Variants in TERT observed in about 807,000 individuals in gnomAD.
TERT encodes the protein telomerase reverse transcriptase, also known as telomerase catalytic subunit.
Under a neutral mutation model 104.0 loss-of-function variants are expected in TERT, and 42 were observed. The observed-to-expected ratio is 0.40, with a 90% CI of 0.32 to 0.52. TERT has a LOEUF of 0.52. Among genes scored for constraint, TERT ranks in the 20% least tolerant of loss-of-function variants. The probability of loss-of-function intolerance (pLI) is 0.43; values close to 1 mark genes in which losing one functional copy is unlikely to be tolerated. For missense variants in TERT, 1,101 were observed against 1,610.3 expected (o/e 0.68, Z 5.41); for synonymous variants, 781 against 725.6 (o/e 1.08, Z -1.23).
intron 6 of TERT, among the ~76,000 whole-genome samples, chr5:1,275,541 C>T (rs1241818136): frequency 1.3e-5 from 2 of 152,016 alleles, no homozygotes; most frequent in African/African-American, 4.8e-5. Flanking sequence ...CACACGACCC[C>T]AGAGTGGAAG....
At chr5:1,260,912 A>T (rs570310141) in intron 11 of TERT, among the ~76,000 whole-genome samples, 1 of 152,326 alleles carries the variant, frequency 6.6e-6, no homozygotes, top group East Asian at 1.9e-4. Context: ...AAAAACACAT[A>T]ATAAACTGTG....
intron 7 of TERT, among the ~76,000 whole-genome samples, chr5:1,271,579 C>A (rs1470424666): frequency 6.6e-6 from 1 of 152,000 alleles, no homozygotes; most frequent in Non-Finnish European, 1.5e-5. Flanking sequence ...GGAAATTCGC[C>A]CAGAGGTCTC....
In TERT at chr5:1,270,730, G is replaced by C. The variant is rs988871783; in HGVS notation, c.2468+389C>G. Among the ~76,000 whole-genome samples, 2 of 152,260 alleles carry C rather than the reference G, an allele frequency of 1.3e-5. No individual in the cohort carries two copies. Among genetic ancestry groups the C allele is most frequent in the Non-Finnish European group, 2.9e-5 (2 of 68,048 alleles). On this transcript the variant is annotated intron_variant, in intron 8 of 15. Transcript: ENST00000310581. This position sits in a 1 kb window ranked among gnomAD's most constrained non-coding sequence, Gnocchi z 8.3. ...ATCGGATAAAATCCTTTTGTATCGG[G>C]AGAGAGAGATACAAGCGTGTGAGAG...
chr5:1,280,091 C>A (rs912176843), intron 4 of TERT, 67 bp downstream of exon 4: 11 of 1,600,896 alleles, frequency 6.9e-6, no homozygotes, highest in Admixed American at 1.7e-5. Context: ...TTCATCTAAG[C>A]TGATACCAAA....
Position 1,269,971 on chromosome 5 carries a change from C to T in TERT, c.2468+1148G>A, listed in dbSNP as rs1361603173. 1.3e-5 allele frequency among the ~76,000 whole-genome samples: 2 copies of T among 152,146 alleles called. No homozygotes were observed. Among genetic ancestry groups the T allele is most frequent in the Non-Finnish European group, 2.9e-5 (2 of 68,028 alleles). ...GTCATCACCTCACATTCCCCAAAGC[C>T]CTGCCACACGTGGACGGTACGTGAC... On this transcript the variant is annotated intron_variant, in intron 8 of 15. Coordinates refer to ENST00000310581, the MANE Select transcript of TERT (RefSeq NM_198253.3). The surrounding 1 kb of genome is among the most constrained non-coding windows in gnomAD (Gnocchi z 9.0).
chr5:1,294,394 G>T lies in TERT; in HGVS notation c.492C>A (p.Pro164=). 6.3e-7 allele frequency: 1 copy of T among 1,583,528 alleles called. No homozygotes were observed. The highest frequency in any genetic ancestry group is 2.3e-5 in the East Asian group (1 of 44,008). ...GCCCGCACACCTGGTAGGCGCAGCT[G>T]GGAGCCACCAGCACAAAGAGCGCGC... ...ARCALFVLVA[P]SCAYQVCGPP... is the part of the protein sequence containing the mutation. The change falls in exon 2 of 16, where the codon CCC becomes CCA. Residue 164 remains proline (P), a synonymous_variant. Transcript: ENST00000310581.
At position 1,269,042 on chromosome 5, in the gene TERT, C is replaced by A. The variant is rs1056842062; in HGVS notation, c.2469-409G>T. ...TGACCCTACATGTAGCCGCTGCGCG[C>A]CAACGGATACAACCTTGCCCCTAGT... is the stretch of plus-strand genomic sequence containing the variant. On this transcript the variant is annotated intron_variant, in intron 8 of 15. Transcript: ENST00000310581. This position sits in a 1 kb window ranked among gnomAD's most constrained non-coding sequence, Gnocchi z 9.0. Among the ~76,000 whole-genome samples, 2 of 152,030 alleles carry A rather than the reference C, an allele frequency of 1.3e-5. No individual in the cohort carries two copies. The highest frequency in any genetic ancestry group is 4.8e-5 in the African/African-American group (2 of 41,398).
chr5:1,272,221 C>A lies in TERT; in HGVS notation c.2346G>T (p.Glu782Asp), dbSNP rs750815238. 6.2e-7 allele frequency: 1 copy of A among 1,612,844 alleles called. No individual in the cohort carries two copies. Among genetic ancestry groups the A allele is most frequent in the South Asian group, 1.1e-5 (1 of 91,010 alleles). Residue 782 changes from glutamate (E) to aspartate (D), a missense_variant, in exon 7 of 16, where the codon GAG (glutamate) becomes GAT (aspartate). This residue lies in a region of TERT where 463 missense variants were observed against 797.5 expected (regional missense o/e 0.58). Coordinates refer to ENST00000310581, the MANE Select transcript of TERT (RefSeq NM_198253.3). Reference sequence around the variant, plus strand: ...CGACGGCATCCCTCAGCGGGCTGGTCTCCTGCAGGTGAGCCACGAACTGTC... The same window carrying A: ...CGACGGCATCCCTCAGCGGGCTGGTATCCTGCAGGTGAGCCACGAACTGTC... ...YMRQFVAHLQ[E>D]TSPLRDAVVI... is the part of the protein sequence containing the mutation.
chr5:1,289,643 C>A (rs1374411137), intron 2 of TERT, among the ~76,000 whole-genome samples: 3 of 109,654 alleles, frequency 2.7e-5, no homozygotes, highest in African/African-American at 1.2e-4. Context: ...GCCTCACTCA[C>A]CCTGCACGTG....
At chr5:1,267,751 A>C (rs975403335) in intron 9 of TERT, among the ~76,000 whole-genome samples, 3 of 152,106 alleles carry the variant, frequency 2.0e-5, no homozygotes, top group Non-Finnish European at 4.4e-5. Flanking sequence ...ACCAAACACC[A>C]CATGTTCTCA....
Position 1,274,088 on chromosome 5 carries a change from C to T in TERT, c.2287-1808G>A, listed in dbSNP as rs560360051. On this transcript the variant is annotated intron_variant, in intron 6 of 15. Coordinates refer to ENST00000310581, the MANE Select transcript of TERT (RefSeq NM_198253.3). The surrounding 1 kb of genome is among the most constrained non-coding windows in gnomAD (Gnocchi z 5.3). ...AGCAGGCACGTGACACACACTAACA[C>T]GGACACAGGAGGCCTCGAGCTTGTG... Among the ~76,000 whole-genome samples the T allele has an allele frequency of 1.5e-4, 23 of 152,340 alleles. No homozygotes were observed. Among genetic ancestry groups the T allele is most frequent in the African/African-American group, 3.4e-4 (14 of 41,586 alleles).
intron 4 of TERT, 92 bp downstream of exon 4, chr5:1,280,066 C>G: frequency 6.5e-7 from 1 of 1,527,330 alleles, no homozygotes; most frequent in Non-Finnish European, 9.1e-7. Flanking sequence ...GTCCCGTGGC[C>G]CCTCCTCCGG....
chr5:1,286,564 T>C lies in TERT; in HGVS notation c.1574-3940A>G, dbSNP rs1750508108. Among the ~76,000 whole-genome samples the C allele has an allele frequency of 6.6e-6, 1 of 152,072 alleles. No homozygotes were observed. Among genetic ancestry groups the C allele is most frequent in the South Asian group, 2.1e-4 (1 of 4,818 alleles). ...TTATTGCTCAGGACAAGGGTAGCAA[T>C]GTTTCAGACTTCATTTTAAAAGATC... is the stretch of plus-strand genomic sequence containing the variant. On this transcript the variant is annotated intron_variant, in intron 2 of 15. Coordinates refer to ENST00000310581, the MANE Select transcript of TERT (RefSeq NM_198253.3). The surrounding 1 kb of genome is among the most constrained non-coding windows in gnomAD (Gnocchi z 5.3).
At position 1,257,605 on chromosome 5, in the gene TERT, G is replaced by A. The variant is rs1237421186; in HGVS notation, c.3032+993C>T. ...AGCCTGGTCCCAAGCCTCTGGAGCT[G>A]GTGCAAAGGCGGTAACATGCAGCTG... On this transcript the variant is annotated intron_variant, in intron 13 of 15. Transcript: ENST00000310581. The surrounding 1 kb of genome is among the most constrained non-coding windows in gnomAD (Gnocchi z 5.6). Among the ~76,000 whole-genome samples the A allele has an allele frequency of 6.6e-6, 1 of 152,208 alleles. No individual in the cohort carries two copies. Among genetic ancestry groups the A allele is most frequent in the African/African-American group, 2.4e-5 (1 of 41,454 alleles).
At chr5:1,291,372 G>C (rs1579593563) in intron 2 of TERT, among the ~76,000 whole-genome samples, 1 of 84,314 alleles carries the variant, frequency 1.2e-5, no homozygotes, top group Admixed American at 1.2e-4. Context: ...CACCCTGCAC[G>C]TGACAGGGAC....
chr5:1,255,444 G>C lies in TERT; in HGVS notation c.3033-33C>G, dbSNP rs199517236. On this transcript the variant is annotated intron_variant, in intron 13 of 15. Coordinates refer to ENST00000310581, the MANE Select transcript of TERT (RefSeq NM_198253.3). The surrounding 1 kb of genome is among the most constrained non-coding windows in gnomAD (Gnocchi z 6.9). Reference sequence around the variant, plus strand: ...GATGGCGGACAGCGTCAGAGGAAAGGCCTCCTAATCAGACGGTGCTCGTGG... The same window carrying C: ...GATGGCGGACAGCGTCAGAGGAAAGCCCTCCTAATCAGACGGTGCTCGTGG... 1.9e-6 allele frequency: 3 copies of C among 1,613,724 alleles called. No individual in the cohort carries two copies. The highest frequency in any genetic ancestry group is 8.5e-7 in the Non-Finnish European group (1 of 1,179,938).
intron 6 of TERT, among the ~76,000 whole-genome samples, chr5:1,273,681 G>A (rs374212402): frequency 0.024 from 249 of 10,502 alleles, 7 homozygotes; most frequent in African/African-American, 0.043. Flanking sequence ...CAGACCCCAC[G>A]ACCGCCATCC....
Position 1,262,665 on chromosome 5 carries a change from T to C in TERT, c.2843+1739A>G, listed in dbSNP as rs1748317892. On this transcript the variant is annotated intron_variant, in intron 11 of 15. Coordinates refer to ENST00000310581, the MANE Select transcript of TERT (RefSeq NM_198253.3). The surrounding 1 kb of genome is among the most constrained non-coding windows in gnomAD (Gnocchi z 5.6). ...GGCATTGGACCCACATCTGATGACCTGATGCCCACCCATCCTGCACTAGCC... is the reference window on the plus strand; with the variant it reads ...GGCATTGGACCCACATCTGATGACCCGATGCCCACCCATCCTGCACTAGCC... Among the ~76,000 whole-genome samples, 1 of 152,206 alleles carries C rather than the reference T, an allele frequency of 6.6e-6. No individual in the cohort carries two copies. The highest frequency in any genetic ancestry group is 1.5e-5 in the Non-Finnish European group (1 of 68,030).
At chr5:1,276,608 C>T (rs920563793) in intron 6 of TERT, among the ~76,000 whole-genome samples, 1 of 151,248 alleles carries the variant, frequency 6.6e-6, no homozygotes, top group Non-Finnish European at 1.5e-5. Flanking sequence ...ACCTACCCCA[C>T]GGATGAAAAC....
Sources: allele counts gnomAD v4.1 joint callset (sites outside exome capture counted in the v4.1 genomes callset), GRCh38; gene constraint gnomAD v4.1.1; regional missense constraint gnomAD v4.1.1; non-coding constraint Gnocchi (gnomAD v3.1); transcripts MANE v1.5; gene names NCBI Gene and HGNC (gene_info 2026-07-23, HGNC 2026-07-21).